The following COL5A1 variants were observed in gnomAD, a reference collection of about 807,000 sequenced individuals.
COL5A1 encodes collagen alpha-1(V) chain.
Under a neutral mutation model 263.7 loss-of-function variants are expected in COL5A1, and 16 were observed. The ratio of observed to expected loss-of-function variants is 0.06; its 90% confidence interval spans 0.04 to 0.09. COL5A1 has a LOEUF of 0.09. Among genes scored for constraint, COL5A1 ranks in the 10% least tolerant of loss-of-function variants. The pLI, the probability that COL5A1 is intolerant of heterozygous loss-of-function variation, is 1.00. For missense variants in COL5A1, 2,036 were observed against 2,540.5 expected, an observed-to-expected ratio of 0.80 and a Z score of 4.27; for synonymous variants, 1,012 against 1,004.5, an observed-to-expected ratio of 1.01 and a Z score of -0.14.
At chr9:134,679,480 T>G (rs185561096) in intron 1 of COL5A1, among the ~76,000 whole-genome samples, 1 of 9,320 alleles carries the variant, frequency 1.1e-4, no homozygotes, top group African/African-American at 5.5e-4. Context: ...GGGGGCACTG[T>G]GGGGCTGGTT....
intron 4 of COL5A1, among the ~76,000 whole-genome samples, chr9:134,711,882 C>T (rs1387086942): frequency 1.3e-5 from 2 of 152,024 alleles, no homozygotes; most frequent in Non-Finnish European, 2.9e-5. Context: ...TGGCCCTCCC[C>T]GCAAGTGGAT....
At chr9:134,645,417 G>A (rs1831444863) in intron 1 of COL5A1, among the ~76,000 whole-genome samples, 1 of 152,224 alleles carries the variant, frequency 6.6e-6, no homozygotes, top group Admixed American at 6.5e-5. Flanking sequence ...GCAGAGCAGT[G>A]AGCTGCCCCG....
rs185776535 is a variant in COL5A1 at position 134,742,162 on chromosome 9, G to A, written c.1494+3354G>A. ...TCTGGTGAGCCCTGCACACTCTCCC[G>A]CTGCTCCCCTTGGATGACCTTCCAT... On this transcript the variant is annotated intron_variant, in intron 11 of 65. Transcript: ENST00000371817. This position sits in a 1 kb window ranked among gnomAD's most constrained non-coding sequence, Gnocchi z 4.6. Among the ~76,000 whole-genome samples the A allele has an allele frequency of 2.6e-5, 4 of 152,272 alleles. No homozygotes were observed. The highest frequency in any genetic ancestry group is 3.9e-4 in the East Asian group (2 of 5,160).
intron 28 of COL5A1, among the ~76,000 whole-genome samples, chr9:134,780,652 A>G (rs1317798001): frequency 1.3e-5 from 2 of 152,256 alleles, no homozygotes; most frequent in African/African-American, 4.8e-5. Context: ...GGGGCAGGTC[A>G]GGCCTAAGCA....
At chr9:134,822,058 G>T (rs765039461) in intron 58 of COL5A1, 39 bp from the exon 59 acceptor site, 5 of 1,594,896 alleles carry the variant, frequency 3.1e-6, no homozygotes, top group Admixed American at 1.7e-5. Context: ...GCTCCTCCTC[G>T]TCTGAAGGTG....
At chr9:134,780,613 A>G (rs1329901061) in intron 28 of COL5A1, among the ~76,000 whole-genome samples, 6 of 152,226 alleles carry the variant, frequency 3.9e-5, no homozygotes, top group Non-Finnish European at 5.9e-5. Flanking sequence ...AGGGAGGGAG[A>G]GAGGCCGTGC....
intron 9 of COL5A1, among the ~76,000 whole-genome samples, chr9:134,735,039 T>C (rs3128610): frequency 0.58 from 88,409 of 151,404 alleles, 27,339 homozygotes; most frequent in African/African-American, 0.8. Context: ...GGCAAAACCC[T>C]GTCTTTACTA....
At position 134,809,153 on chromosome 9, in the gene COL5A1, G is replaced by A. The variant is rs11103535; in HGVS notation, c.3367-30G>A. 127,327 of 1,539,426 alleles carry A rather than the reference G, an allele frequency of 0.083. 5,618 individuals are homozygous for A. Among genetic ancestry groups the A allele is most frequent in the East Asian group, 0.14 (5,950 of 41,256 alleles). ...GGGGATGTTCCCAGGTTGGAGCCAC[G>A]TTTGACCTGAGATCTTCTGTATTCT... On this transcript the variant is annotated intron_variant, in intron 42 of 65. Coordinates refer to ENST00000371817, the MANE Select transcript of COL5A1 (RefSeq NM_000093.5).
At position 134,811,795 on chromosome 9, in the gene COL5A1, CAGCAGT is replaced by C. The variant is rs1838535249; in HGVS notation, c.3690+197_3690+202del. ...AGACATGCCCGCATTTACCACACTT[CAGCAGT>C]GGCATTTATTTCTGTGCTCATTGTG... On this transcript the variant is annotated intron_variant, in intron 46 of 65. Transcript: ENST00000371817. 2.6e-5 allele frequency among the ~76,000 whole-genome samples: 4 copies of C among 152,362 alleles called. No homozygotes were observed. In the South Asian group the frequency reaches 8.3e-4, roughly 32 times the overall value.
chr9:134,812,624 GC>G lies in COL5A1; in HGVS notation c.3769del (p.Arg1257GlufsTer19). 1 of 1,604,176 alleles carries G rather than the reference GC, an allele frequency of 6.2e-7. No individual in the cohort carries two copies. The highest frequency in any genetic ancestry group is 8.5e-7 in the Non-Finnish European group (1 of 1,175,322). On this transcript the variant is annotated frameshift_variant, in exon 48 of 66. Transcript: ENST00000371817. LOFTEE classifies it high-confidence loss of function. The part of the protein sequence containing the change: ...VGQMGPPGPP[G>X]PRGPSGAPGA... ...TCCTAGGGCCCCCCGGGTCCCCCTG[GC>G]CCCCGAGGACCCTCCGGAGCTCCAG...
intron 1 of COL5A1, among the ~76,000 whole-genome samples, chr9:134,666,809 A>C (rs932906992): frequency 1.3e-5 from 2 of 151,816 alleles, no homozygotes; most frequent in Non-Finnish European, 2.9e-5. Flanking sequence ...GGGGGAGTAG[A>C]CTCTTTGGGA....
At chr9:134,791,408 G>A (rs1399689418) in intron 32 of COL5A1, among the ~76,000 whole-genome samples, 2 of 152,188 alleles carry the variant, frequency 1.3e-5, no homozygotes, top group Non-Finnish European at 2.9e-5. Flanking sequence ...TCAGGACACT[G>A]AGCACAGCCT....
chr9:134,673,050 G>C (rs557448883), intron 1 of COL5A1, among the ~76,000 whole-genome samples: 12 of 152,254 alleles, frequency 7.9e-5, no homozygotes, highest in Non-Finnish European at 1.8e-4. Context: ...CCATTCTCAT[G>C]GACCAGAAGA....
chr9:134,804,203 T>G (rs1838212244), intron 39 of COL5A1, among the ~76,000 whole-genome samples: 1 of 152,182 alleles, frequency 6.6e-6, no homozygotes, highest in African/African-American at 2.4e-5. Context: ...TGCACACGTG[T>G]GTGTATTCTA....
chr9:134,689,843 C>T (rs56033447), intron 1 of COL5A1, among the ~76,000 whole-genome samples: 56,941 of 152,078 alleles, frequency 0.37, 12,978 homozygotes, highest in Non-Finnish European at 0.51. Flanking sequence ...CCAACACACA[C>T]CATTCTGTCG....
chr9:134,831,534 CAG>C (rs1839627182), intron 64 of COL5A1, among the ~76,000 whole-genome samples: 1 of 152,152 alleles, frequency 6.6e-6, no homozygotes, highest in Non-Finnish European at 1.5e-5. Context: ...CCCGGAGGGA[CAG>C]AGCGTAGGGG....
chr9:134,760,666 A>C (rs1337706250), intron 18 of COL5A1, among the ~76,000 whole-genome samples: 3 of 100,316 alleles, frequency 3.0e-5, no homozygotes, highest in South Asian at 3.6e-4. Flanking sequence ...CACACACACC[A>C]CACATGCACA....
At chr9:134,812,822 G>C (rs1313259047) in intron 48 of COL5A1, 110 bp downstream of exon 48, 2 of 802,384 alleles carry the variant, frequency 2.5e-6, no homozygotes, top group Middle Eastern at 3.4e-4. Context: ...GCACACGCTT[G>C]TGGGGGTGCA....
At chr9:134,701,586 A>G (rs896701440) in intron 4 of COL5A1, among the ~76,000 whole-genome samples, 1 of 152,208 alleles carries the variant, frequency 6.6e-6, no homozygotes, top group African/African-American at 2.4e-5. Context: ...CCAAGGGCCC[A>G]GTACGTGAGT....
Sources: allele counts gnomAD v4.1 joint callset (sites outside exome capture counted in the v4.1 genomes callset), GRCh38; gene constraint gnomAD v4.1.1; non-coding constraint Gnocchi (gnomAD v3.1); transcripts MANE v1.5; gene names NCBI Gene and HGNC (gene_info 2026-07-23, HGNC 2026-07-21).